IKZF2: variants seen among roughly 807,000 people sequenced by gnomAD.
IKZF2 encodes IKAROS family zinc finger 2.
IKZF2 carries 15 observed loss-of-function variants against 49.2 expected under a neutral mutation model. The ratio of observed to expected loss-of-function variants is 0.30; its 90% CI spans 0.20 to 0.47. The LOEUF is 0.47. IKZF2 is among the 20% of genes least tolerant of loss of function. The probability of loss-of-function intolerance (pLI) is 1.00; values close to 1 mark genes in which losing one functional copy is unlikely to be tolerated. For synonymous variants in IKZF2, 227 were observed against 221.4 expected (o/e 1.03, Z -0.23); for missense variants, 567 against 664.6 (o/e 0.85, Z 1.61).
intron 4 of IKZF2, among the ~76,000 whole-genome samples, chr2:213,059,657 G>A (rs1274642378): frequency 6.6e-6 from 1 of 151,514 alleles, no homozygotes; most frequent in Non-Finnish European, 1.5e-5. Context: ...AACTGAAAGT[G>A]TAGTTTTAGA....
At chr2:213,008,609 A>T (rs1435838188) in intron 8 of IKZF2, among the ~76,000 whole-genome samples, 1 of 152,170 alleles carries the variant, frequency 6.6e-6, no homozygotes, top group Non-Finnish European at 1.5e-5. Context: ...TGATGCCATC[A>T]TGAGAATGCA....
Position 213,111,955 on chromosome 2 carries a change from T to C in IKZF2, c.139+35753A>G, listed in dbSNP as rs368961650. On this transcript the variant is annotated intron_variant, in intron 4 of 8. Transcript: ENST00000434687. ...GAATTCAAATTGTAATTTATTTTTT[T>C]AGAAACTGCCTCTTCTTTTTGGACT... 9.8e-5 allele frequency among the ~76,000 whole-genome samples: 15 copies of C among 152,322 alleles called. No individual in the cohort carries two copies. The East Asian group carries it at 1.5e-3, about 16-fold the overall frequency.
intron 4 of IKZF2, among the ~76,000 whole-genome samples, chr2:213,092,812 G>A (rs1195630304): frequency 6.6e-6 from 1 of 152,142 alleles, no homozygotes; most frequent in African/African-American, 2.4e-5. Context: ...CTTCATTTCA[G>A]GAATCTCATT....
intron 4 of IKZF2, among the ~76,000 whole-genome samples, chr2:213,101,025 G>T (rs1397972834): frequency 6.6e-6 from 1 of 151,862 alleles, no homozygotes; most frequent in Non-Finnish European, 1.5e-5. Context: ...GGTAGAAAGA[G>T]AGAGAGAAAG....
At chr2:213,150,451 ACCCC>A in intron 1 of IKZF2, 1 of 133,686 alleles carries the variant, frequency 7.5e-6, no homozygotes, top group Admixed American at 9.0e-5. Flanking sequence ...AGAGAAGAAC[ACCCC>A]CCTCCTCCTC....
At chr2:213,150,836 G>A (rs1228074681) in intron 1 of IKZF2, among the ~76,000 whole-genome samples, 1 of 150,330 alleles carries the variant, frequency 6.7e-6, no homozygotes, top group African/African-American at 2.5e-5. Context: ...CATCTCTTTC[G>A]CCCATACTAG....
chr2:213,101,402 T>C (rs958533760), intron 4 of IKZF2, among the ~76,000 whole-genome samples: 3 of 152,068 alleles, frequency 2.0e-5, no homozygotes, highest in Non-Finnish European at 2.9e-5. Flanking sequence ...CCTATGGTTA[T>C]CCAGAAAAGG....
intron 7 of IKZF2, among the ~76,000 whole-genome samples, chr2:213,015,451 T>C (rs1315954071): frequency 1.3e-5 from 2 of 152,028 alleles, no homozygotes; most frequent in Non-Finnish European, 2.9e-5. Context: ...ATATTATGTA[T>C]AAAACATTAT....
chr2:213,107,832 T>G (rs118187986), intron 4 of IKZF2, among the ~76,000 whole-genome samples: 1 of 152,134 alleles, frequency 6.6e-6, no homozygotes, highest in African/African-American at 2.4e-5. Context: ...CAGAACACAA[T>G]GCATGCTGAA....
intron 2 of IKZF2, among the ~76,000 whole-genome samples, chr2:213,149,779 C>CG (rs1418382046): frequency 4.1e-5 from 5 of 122,076 alleles, no homozygotes; most frequent in African/African-American, 6.3e-5. Flanking sequence ...ACTCCCTTAC[C>CG]CCCCCCCCAA....
At chr2:213,062,779 T>C (rs1479394028) in intron 4 of IKZF2, among the ~76,000 whole-genome samples, 2 of 152,128 alleles carry the variant, frequency 1.3e-5, no homozygotes, top group African/African-American at 4.8e-5. Context: ...TAATAATTTA[T>C]TGAAGTTGCT....
chr2:213,065,782 G>A (rs961223914), intron 4 of IKZF2, among the ~76,000 whole-genome samples: 4 of 151,966 alleles, frequency 2.6e-5, no homozygotes, highest in Admixed American at 1.3e-4. Flanking sequence ...CCAAATTCTT[G>A]CTATTTCCCT....
chr2:213,083,309 A>T (rs1157136612), intron 4 of IKZF2, among the ~76,000 whole-genome samples: 1 of 149,758 alleles, frequency 6.7e-6, no homozygotes, highest in Non-Finnish European at 1.5e-5. Context: ...AGCACTTCCC[A>T]TCTCTCATAC....
chr2:213,007,253 A>C lies in IKZF2; in HGVS notation c.*107T>G. On this transcript the variant is annotated 3_prime_UTR_variant, in exon 9 of 9. Coordinates refer to ENST00000434687, the MANE Select transcript of IKZF2 (RefSeq NM_001387220.1). ...AATTATCAACAGTAATAATATTAAA[A>C]AAAATAAAAGGTATGTCAACATTTG... 1 of 1,243,442 alleles carries C rather than the reference A, an allele frequency of 8.0e-7. No homozygotes were observed. The allele number at this position is 1,243,442 out of a possible 1,614,324, so 77.0% of individuals were successfully genotyped here.
chr2:213,038,111 A>G (rs1313513307), intron 6 of IKZF2, among the ~76,000 whole-genome samples: 1 of 151,452 alleles, frequency 6.6e-6, no homozygotes, highest in Admixed American at 6.6e-5. Flanking sequence ...CCCAGGCTGG[A>G]GTGCAGTGGC....
chr2:213,045,206 T>C (rs1700039939), intron 6 of IKZF2, among the ~76,000 whole-genome samples: 1 of 152,150 alleles, frequency 6.6e-6, no homozygotes, highest in Non-Finnish European at 1.5e-5. Context: ...GGGTGATAAT[T>C]CACACTATAC....
chr2:213,063,704 T>C (rs1024600258), intron 4 of IKZF2, among the ~76,000 whole-genome samples: 2 of 152,038 alleles, frequency 1.3e-5, no homozygotes, highest in African/African-American at 2.4e-5. Context: ...TAAGTGGCTA[T>C]TGAAAGGATA....
intron 4 of IKZF2, among the ~76,000 whole-genome samples, chr2:213,137,469 A>G (rs1237901444): frequency 1.3e-5 from 2 of 152,108 alleles, no homozygotes; most frequent in Admixed American, 6.5e-5. Flanking sequence ...GAATAGCTCA[A>G]TTTTCAAGCT....
At chr2:213,044,107 G>C (rs1363951819) in intron 6 of IKZF2, among the ~76,000 whole-genome samples, 5 of 152,198 alleles carry the variant, frequency 3.3e-5, no homozygotes, top group African/African-American at 1.2e-4. Flanking sequence ...GGTGGAAAGA[G>C]TGAGGTCAGG....
Sources: gnomAD v4.1 joint callset for allele counts (sites outside exome capture counted in the v4.1 genomes callset) on GRCh38, gnomAD v4.1.1 for gene constraint, MANE v1.5 for transcripts, NCBI Gene and HGNC (gene_info 2026-07-23, HGNC 2026-07-21) for gene names.